UBAC2: variants seen among roughly 807,000 people sequenced by gnomAD.
The protein encoded by UBAC2 is ubiquitin-associated domain-containing protein 2.
Under a neutral mutation model 44.0 loss-of-function variants are expected in UBAC2, and 26 were observed. That is an observed-to-expected ratio of 0.59 (90% CI 0.43 to 0.82). UBAC2 has a LOEUF of 0.82. UBAC2 is among the 40% of genes least tolerant of loss of function. The probability of loss-of-function intolerance (pLI) is 0.00; values close to 1 mark genes in which losing one functional copy is unlikely to be tolerated. For synonymous variants in UBAC2, 155 were observed against 154.3 expected, an observed-to-expected ratio of 1.00 and a Z score of -0.04; for missense variants, 329 against 419.4, an observed-to-expected ratio of 0.78 and a Z score of 1.88.
intron 4 of UBAC2, among the ~76,000 whole-genome samples, chr13:99,297,257 CTG>C (rs1157920942): frequency 1.8e-4 from 27 of 152,098 alleles, no homozygotes; most frequent in Non-Finnish European, 2.6e-4. Context: ...GCAATAAATC[CTG>C]TGTGATTATT....
At chr13:99,206,501 GCCTCTGATCCCT>G (rs2042874345) in intron 1 of UBAC2, among the ~76,000 whole-genome samples, 1 of 152,188 alleles carries the variant, frequency 6.6e-6, no homozygotes, top group African/African-American at 2.4e-5. Flanking sequence ...ATGCTCACCA[GCCTCTGATCCCT>G]CCTTGTCTCC....
At chr13:99,247,900 A>G (rs533213975) in intron 4 of UBAC2, among the ~76,000 whole-genome samples, 2 of 149,656 alleles carry the variant, frequency 1.3e-5, no homozygotes, top group East Asian at 3.9e-4. Flanking sequence ...ACCACTATAT[A>G]GGAACTTCTC....
At chr13:99,245,480 C>G (rs530581173) in intron 4 of UBAC2, among the ~76,000 whole-genome samples, 1 of 152,192 alleles carries the variant, frequency 6.6e-6, no homozygotes, top group East Asian at 1.9e-4. Context: ...TTAAAAAAAA[C>G]AAAAACCATG....
At position 99,238,568 on chromosome 13, in the gene UBAC2, C is replaced by G. The variant is rs1206152557; in HGVS notation, c.159+14C>G. On this transcript the variant is annotated intron_variant, in intron 2 of 8. Coordinates refer to ENST00000403766, the MANE Select transcript of UBAC2 (RefSeq NM_001144072.2). ...AACGACTTCCAGGTAAGCTCTGCCT[C>G]ATTGGCCCCTGAGAGGAGAGCGGAC... 1.3e-6 allele frequency: 2 copies of G among 1,595,042 alleles called. No homozygotes were observed. The highest frequency in any genetic ancestry group is 1.7e-6 in the Non-Finnish European group (2 of 1,169,656).
chr13:99,367,624 G>T lies in UBAC2; in HGVS notation c.808-163G>T, dbSNP rs993599754. Reference sequence around the variant, plus strand: ...GCCAATTTTGTGCTATTGACTGAAGGATGTTGTGATACTTTTGAATTTGAA... The same window carrying T: ...GCCAATTTTGTGCTATTGACTGAAGTATGTTGTGATACTTTTGAATTTGAA... On this transcript the variant is annotated intron_variant, in intron 7 of 8. Transcript: ENST00000403766. 7.9e-5 allele frequency among the ~76,000 whole-genome samples: 12 copies of T among 152,212 alleles called. No homozygotes were observed. The East Asian group carries it at 2.1e-3, about 27-fold the overall frequency.
At chr13:99,209,693 G>T (rs555556708) in intron 1 of UBAC2, among the ~76,000 whole-genome samples, 1 of 152,206 alleles carries the variant, frequency 6.6e-6, no homozygotes, top group South Asian at 2.1e-4. Flanking sequence ...AATTTTAGCG[G>T]CTGGGCATAG....
intron 5 of UBAC2, chr13:99,314,572 A>G (rs531598205): frequency 1.4e-4 from 23 of 167,508 alleles, no homozygotes; most frequent in African/African-American, 5.2e-4. Flanking sequence ...AAAGTAGAAA[A>G]TCAGTGTCAA....
At chr13:99,242,319 C>T (rs9517658) in intron 2 of UBAC2, among the ~76,000 whole-genome samples, 18,883 of 148,444 alleles carry the variant, frequency 0.13, 1,034 homozygotes, top group East Asian at 0.28. Context: ...GGCGGCTGGC[C>T]GGGCGGGGGG....
chr13:99,365,484 T>C (rs978699537), intron 7 of UBAC2, among the ~76,000 whole-genome samples: 9 of 152,122 alleles, frequency 5.9e-5, no homozygotes, highest in African/African-American at 1.9e-4. Context: ...CTTTGATAGG[T>C]AGGTAATAGT....
At chr13:99,220,948 G>A (rs1346919936) in intron 1 of UBAC2, among the ~76,000 whole-genome samples, 1 of 151,878 alleles carries the variant, frequency 6.6e-6, no homozygotes, top group Non-Finnish European at 1.5e-5. Context: ...TTTGGTAGAT[G>A]CTTTTTTAAA....
At chr13:99,297,991 A>T (rs948879043) in intron 4 of UBAC2, among the ~76,000 whole-genome samples, 1 of 152,132 alleles carries the variant, frequency 6.6e-6, no homozygotes, top group Non-Finnish European at 1.5e-5. Context: ...ATTAATAGGA[A>T]TACAGAGGGT....
At chr13:99,329,239 T>G (rs1270580493) in intron 6 of UBAC2, among the ~76,000 whole-genome samples, 2 of 152,206 alleles carry the variant, frequency 1.3e-5, no homozygotes, top group Non-Finnish European at 2.9e-5. Context: ...CCTCCCACCT[T>G]GTTTTTCTTT....
At chr13:99,261,373 G>A (rs1194202674) in intron 4 of UBAC2, among the ~76,000 whole-genome samples, 3 of 152,210 alleles carry the variant, frequency 2.0e-5, no homozygotes, top group Non-Finnish European at 2.9e-5. Flanking sequence ...GGGTGTGGGT[G>A]TAGGGGAGAT....
chr13:99,333,401 T>C (rs747964079), intron 6 of UBAC2, among the ~76,000 whole-genome samples: 1 of 152,230 alleles, frequency 6.6e-6, no homozygotes, highest in African/African-American at 2.4e-5. Context: ...AGTATAAACT[T>C]GGGACCAAAA....
intron 6 of UBAC2, among the ~76,000 whole-genome samples, chr13:99,338,015 C>CA (rs531652271): frequency 2.3e-4 from 30 of 132,470 alleles, no homozygotes; most frequent in African/African-American, 7.8e-4. Flanking sequence ...AAAAAAATTG[C>CA]AAAAAAATCT....
At chr13:99,238,595 G>GTTTTTT in intron 2 of UBAC2, 41 bp downstream of exon 2, 1 of 1,265,448 alleles carries the variant, frequency 7.9e-7, no homozygotes, top group Admixed American at 2.6e-5. Context: ...AGAGCGGACA[G>GTTTTTT]TTTTTTTTTT....
intron 6 of UBAC2, among the ~76,000 whole-genome samples, 165 bp from the exon 7 acceptor site, chr13:99,340,155 G>A (rs907765061): frequency 6.6e-6 from 1 of 152,178 alleles, no homozygotes; most frequent in African/African-American, 2.4e-5. Flanking sequence ...GATTTGCACT[G>A]CTTAGTGTTC....
chr13:99,260,032 A>G lies in UBAC2; in HGVS notation c.389+15408A>G, dbSNP rs573456292. ...TCCATTCCAGCCCTCTGGACTGGCT[A>G]CATTTGCTCTTCCTGCCTCTCACAT... On this transcript the variant is annotated intron_variant, in intron 4 of 8. Coordinates refer to ENST00000403766, the MANE Select transcript of UBAC2 (RefSeq NM_001144072.2). 3.9e-5 allele frequency among the ~76,000 whole-genome samples: 6 copies of G among 152,260 alleles called. No individual in the cohort carries two copies. The East Asian group carries it at 9.7e-4, about 25-fold the overall frequency.
intron 6 of UBAC2, among the ~76,000 whole-genome samples, chr13:99,324,408 A>C (rs61970333): frequency 0.096 from 14,574 of 152,208 alleles, 850 homozygotes; most frequent in South Asian, 0.26. Flanking sequence ...CCCCTTTGCC[A>C]TGAGAAAAGC....
Sources: allele counts gnomAD v4.1 joint callset (sites outside exome capture counted in the v4.1 genomes callset), GRCh38; gene constraint gnomAD v4.1.1; transcripts MANE v1.5; gene names NCBI Gene and HGNC (gene_info 2026-07-23, HGNC 2026-07-21).